ASTN1: variants seen among roughly 807,000 people sequenced by gnomAD.
ASTN1 encodes astrotactin-1.
In ASTN1, 41 loss-of-function variants were observed where a neutral mutation model predicts 140.7. The ratio of observed to expected loss-of-function variants is 0.29; its 90% confidence interval spans 0.23 to 0.38. ASTN1 has a LOEUF of 0.38. Among genes scored for constraint, ASTN1 ranks in the 10% least tolerant of loss-of-function variants. The pLI is 1.00. For missense variants in ASTN1, 1,479 were observed against 1,678.8 expected (o/e 0.88, Z 2.08); for synonymous variants, 640 against 652.2 (o/e 0.98, Z 0.29).
intron 21 of ASTN1, among the ~76,000 whole-genome samples, chr1:176,872,311 C>T (rs933417758): frequency 5.3e-5 from 8 of 151,496 alleles, no homozygotes; most frequent in East Asian, 1.9e-4. Context: ...TTTCTATGTA[C>T]GTGCACTACG....
chr1:176,892,157 T>A (rs911698413), intron 17 of ASTN1, among the ~76,000 whole-genome samples: 1 of 152,160 alleles, frequency 6.6e-6, no homozygotes, highest in Non-Finnish European at 1.5e-5. Flanking sequence ...CAAAATTGGA[T>A]CATGAGCTGC....
intron 1 of ASTN1, among the ~76,000 whole-genome samples, chr1:177,082,912 C>A (rs1224583942): frequency 1.3e-5 from 2 of 152,138 alleles, no homozygotes; most frequent in African/African-American, 4.8e-5. Context: ...CTTATCAATG[C>A]ACAATATTTC....
chr1:176,888,273 A>T, intron 17 of ASTN1, 69 bp from the exon 18 acceptor site: 5 of 1,570,186 alleles, frequency 3.2e-6, no homozygotes, highest in Non-Finnish European at 4.4e-6. Context: ...ATCAAGAGGC[A>T]GAGTGTCAAG....
chr1:176,893,162 C>T (rs1231684434), intron 17 of ASTN1, among the ~76,000 whole-genome samples: 1 of 152,160 alleles, frequency 6.6e-6, no homozygotes, highest in Non-Finnish European at 1.5e-5. Context: ...CATTCTGGAG[C>T]TCTGCACGCC....
At chr1:177,078,932 G>A (rs1679051821) in intron 1 of ASTN1, among the ~76,000 whole-genome samples, 1 of 152,006 alleles carries the variant, frequency 6.6e-6, no homozygotes, top group Non-Finnish European at 1.5e-5. Context: ...ATACTGTCAT[G>A]TAAAAAAAAA....
chr1:177,078,927 G>C lies in ASTN1; in HGVS notation c.284-17662C>G, dbSNP rs762153498. Among the ~76,000 whole-genome samples, 2 of 152,020 alleles carry C rather than the reference G, an allele frequency of 1.3e-5. 1 individual carries two copies. Among genetic ancestry groups the C allele is most frequent in the South Asian group, 4.1e-4 (2 of 4,820 alleles). On this transcript the variant is annotated intron_variant, in intron 1 of 22. Transcript: ENST00000361833. ...AATATCCTACTTCTAAAGGGATACT[G>C]TCATGTAAAAAAAAATCAATTTGAG...
At chr1:176,890,514 G>C (rs1291664657) in intron 17 of ASTN1, among the ~76,000 whole-genome samples, 8 of 152,202 alleles carry the variant, frequency 5.3e-5, no homozygotes, top group Non-Finnish European at 8.8e-5. Flanking sequence ...GTGGGAGGGA[G>C]ACAGGGCTGA....
chr1:177,069,301 G>A (rs1678515615), intron 1 of ASTN1, among the ~76,000 whole-genome samples: 1 of 152,070 alleles, frequency 6.6e-6, no homozygotes, highest in Non-Finnish European at 1.5e-5. Flanking sequence ...CTCTCTCAGT[G>A]GCTCCCCGCT....
chr1:176,976,380 T>C (rs932835403), intron 8 of ASTN1: 1 of 152,168 alleles, frequency 6.6e-6, no homozygotes, highest in African/African-American at 2.4e-5. Flanking sequence ...CTCTTCCTCC[T>C]CTCTCACCCT....
At chr1:176,917,494 G>A (rs1670537959) in intron 16 of ASTN1, among the ~76,000 whole-genome samples, 1 of 152,180 alleles carries the variant, frequency 6.6e-6, no homozygotes, top group Non-Finnish European at 1.5e-5. Context: ...AGTGTGGGCA[G>A]ATCCAGAAGC....
intron 16 of ASTN1, among the ~76,000 whole-genome samples, chr1:176,899,468 C>T (rs977080034): frequency 2.0e-5 from 3 of 152,196 alleles, no homozygotes; most frequent in African/African-American, 7.2e-5. Context: ...AAGAATCTCT[C>T]TCCTGAGTTG....
rs1270374778 is a variant in ASTN1 at position 177,014,779 on chromosome 1, G to T, written c.1523+12C>A. 6.2e-7 allele frequency: 1 copy of T among 1,609,512 alleles called. No homozygotes were observed. The highest frequency in any genetic ancestry group is 2.2e-5 in the East Asian group (1 of 44,852). ...ATGTGGGAACCAGCTAAGTCGTCATGCCCTCACTTACCCCTGGTTTGTCCC... is the reference window on the plus strand; with the variant it reads ...ATGTGGGAACCAGCTAAGTCGTCATTCCCTCACTTACCCCTGGTTTGTCCC... On this transcript the variant is annotated intron_variant, in intron 8 of 22. Coordinates refer to ENST00000361833, the MANE Select transcript of ASTN1 (RefSeq NM_004319.3).
At chr1:176,936,065 T>C (rs7522096) in intron 15 of ASTN1, 56 of 651,386 alleles carry the variant, frequency 8.6e-5, no homozygotes, top group African/African-American at 4.3e-4. Flanking sequence ...AGATAACACA[T>C]GCAATGTAAT....
At chr1:176,887,191 T>C (rs74499903) in intron 18 of ASTN1, among the ~76,000 whole-genome samples, 1 of 152,178 alleles carries the variant, frequency 6.6e-6, no homozygotes, top group Non-Finnish European at 1.5e-5. Context: ...TTCTCTGGGG[T>C]TGACTGAAAT....
intron 7 of ASTN1, among the ~76,000 whole-genome samples, 193 bp from the exon 8 acceptor site, chr1:177,015,068 C>G (rs1021844830): frequency 1.3e-5 from 2 of 152,276 alleles, no homozygotes; most frequent in East Asian, 3.9e-4. Flanking sequence ...CAACCAATCT[C>G]TCCCTTCTCC....
chr1:176,915,962 T>C (rs1485802632), intron 16 of ASTN1, among the ~76,000 whole-genome samples: 4 of 152,184 alleles, frequency 2.6e-5, no homozygotes, highest in African/African-American at 9.7e-5. Flanking sequence ...TATTAGAATG[T>C]TTTACAAACC....
intron 11 of ASTN1, among the ~76,000 whole-genome samples, chr1:176,954,774 C>T (rs12136982): frequency 1.3e-5 from 2 of 152,150 alleles, no homozygotes; most frequent in African/African-American, 4.8e-5. Context: ...TTCAGCAATC[C>T]GTGGCTACTG....
At chr1:177,000,511 T>C (rs185329699) in intron 8 of ASTN1, among the ~76,000 whole-genome samples, 1 of 152,264 alleles carries the variant, frequency 6.6e-6, no homozygotes, top group Admixed American at 6.5e-5. Context: ...CTATACACAA[T>C]TATCTGAGAC....
chr1:177,028,808 G>T (rs547132625), intron 5 of ASTN1, among the ~76,000 whole-genome samples: 2 of 152,200 alleles, frequency 1.3e-5, no homozygotes, highest in Admixed American at 1.3e-4. Flanking sequence ...TATGTTCTAC[G>T]CACAAGGTAT....
Sources: gnomAD v4.1 joint callset for allele counts (sites outside exome capture counted in the v4.1 genomes callset) on GRCh38, gnomAD v4.1.1 for gene constraint, MANE v1.5 for transcripts, NCBI Gene and HGNC (gene_info 2026-07-23, HGNC 2026-07-21) for gene names.